The following IL1RAPL2 variants were observed in gnomAD, a reference collection of about 807,000 sequenced individuals.
IL1RAPL2 encodes interleukin 1 receptor accessory protein like 2.
A neutral mutation model predicts 44.1 loss-of-function variants in IL1RAPL2; 3 were observed. The observed-to-expected ratio is 0.07, with a 90% CI of 0.03 to 0.18. The LOEUF is 0.18. Among genes scored for constraint, IL1RAPL2 ranks in the 10% least tolerant of loss-of-function variants. The pLI is 1.00. For synonymous variants in IL1RAPL2, 181 were observed against 178.8 expected, an observed-to-expected ratio of 1.01 and a Z score of -0.10; for missense variants, 391 against 496.4, an observed-to-expected ratio of 0.79 and a Z score of 2.02.
chrX:104,898,873 T>C (rs1923732789), intron 2 of IL1RAPL2, among the ~76,000 whole-genome samples: 1 of 112,722 alleles, frequency 8.9e-6, no homozygotes, highest in East Asian at 2.7e-4. Flanking sequence ...ATCATTTTGC[T>C]TCTATTTCTG....
intron 2 of IL1RAPL2, among the ~76,000 whole-genome samples, chrX:105,064,364 A>G (rs1016486075): frequency 8.0e-5 from 9 of 112,118 alleles, no homozygotes; most frequent in African/African-American, 2.9e-4. Context: ...GCTGGCACAA[A>G]TGTTCTTTCC....
At chrX:104,824,493 T>C (rs750769799) in intron 2 of IL1RAPL2, among the ~76,000 whole-genome samples, 2 of 112,107 alleles carry the variant, frequency 1.8e-5, no homozygotes, top group African/African-American at 6.5e-5. Context: ...TCTGGTAGAA[T>C]TGGGCTCTGA....
At chrX:105,546,678 C>T in intron 6 of IL1RAPL2, among the ~76,000 whole-genome samples, 1 of 111,163 alleles carries the variant, frequency 9.0e-6, no homozygotes, top group Non-Finnish European at 1.9e-5. Flanking sequence ...GGAGGAAAGA[C>T]TTTAGTTATG....
chrX:105,134,315 C>T (rs1396405572), intron 2 of IL1RAPL2, among the ~76,000 whole-genome samples: 1 of 112,177 alleles, frequency 8.9e-6, no homozygotes, highest in African/African-American at 3.2e-5. Flanking sequence ...AACCAGTAGT[C>T]ATGTAGACAC....
chrX:105,415,546 A>C (rs2035726854), intron 5 of IL1RAPL2, among the ~76,000 whole-genome samples: 2 of 111,738 alleles, frequency 1.8e-5, no homozygotes, highest in Non-Finnish European at 3.8e-5. Context: ...TCTTGCTATA[A>C]ATAAGTATAA....
intron 2 of IL1RAPL2, among the ~76,000 whole-genome samples, chrX:104,717,442 A>G (rs1203572827): frequency 1.0e-5 from 1 of 97,816 alleles, no homozygotes; most frequent in African/African-American, 4.5e-5. Context: ...TGAACTTAAA[A>G]GTTAAAAAAA....
chrX:105,436,045 TAAAATA>T (rs1263266968), intron 5 of IL1RAPL2, among the ~76,000 whole-genome samples: 2 of 110,847 alleles, frequency 1.8e-5, no homozygotes, highest in Non-Finnish European at 3.8e-5. Flanking sequence ...TCCCAGAACT[TAAAATA>T]AAAATAAATA....
chrX:105,443,456 A>T (rs767813190), intron 5 of IL1RAPL2, among the ~76,000 whole-genome samples: 1 of 110,692 alleles, frequency 9.0e-6, no homozygotes, highest in Admixed American at 9.6e-5. Context: ...CATCCTTTCT[A>T]TTTCTTTTAT....
intron 4 of IL1RAPL2, among the ~76,000 whole-genome samples, chrX:105,235,226 G>A (rs1186423614): frequency 8.9e-6 from 1 of 111,797 alleles, no homozygotes; most frequent in Non-Finnish European, 1.9e-5. Flanking sequence ...GGAAGAAGCA[G>A]ATAATAACCA....
At chrX:104,570,021 C>T (rs745686887) in intron 1 of IL1RAPL2, among the ~76,000 whole-genome samples, 15 of 112,203 alleles carry the variant, frequency 1.3e-4, no homozygotes, top group Non-Finnish European at 1.9e-5. Flanking sequence ...CTGCCTTCTT[C>T]GTTTGAGAAG....
chrX:105,724,220 TA>T (rs112030028), intron 7 of IL1RAPL2, among the ~76,000 whole-genome samples: 4,931 of 110,399 alleles, frequency 0.045, 293 homozygotes, highest in African/African-American at 0.15. Flanking sequence ...CAATACCTAG[TA>T]AAAAAAAGCT....
At chrX:105,106,737 G>A (rs1212816284) in intron 2 of IL1RAPL2, among the ~76,000 whole-genome samples, 1 of 111,903 alleles carries the variant, frequency 8.9e-6, no homozygotes, top group Non-Finnish European at 1.9e-5. Flanking sequence ...TAGAGTTTCT[G>A]TAAGTACTAA....
intron 7 of IL1RAPL2, among the ~76,000 whole-genome samples, chrX:105,728,353 A>AAAAT (rs2038370164): frequency 9.0e-6 from 1 of 111,454 alleles, no homozygotes; most frequent in South Asian, 3.7e-4. Context: ...TTTTCATGAC[A>AAAAT]AAATACTTTA....
intron 1 of IL1RAPL2, among the ~76,000 whole-genome samples, chrX:104,602,619 C>T (rs1928907578): frequency 9.0e-6 from 1 of 111,339 alleles, no homozygotes; most frequent in East Asian, 2.8e-4. Context: ...AGTCTGAGAT[C>T]GACCCAGGAC....
intron 5 of IL1RAPL2, among the ~76,000 whole-genome samples, chrX:105,421,089 C>G (rs1010611812): frequency 9.0e-6 from 1 of 111,712 alleles, no homozygotes; most frequent in Non-Finnish European, 1.9e-5. Flanking sequence ...GGTCAGAGCA[C>G]AGTTTGGTTT....
intron 2 of IL1RAPL2, among the ~76,000 whole-genome samples, chrX:104,721,998 G>A (rs1788362956): frequency 9.0e-6 from 1 of 111,334 alleles, no homozygotes; most frequent in South Asian, 3.8e-4. Context: ...ATTCTTGACT[G>A]GATTTCTGGC....
chrX:104,601,296 G>A (rs954972937), intron 1 of IL1RAPL2, among the ~76,000 whole-genome samples: 1 of 108,538 alleles, frequency 9.2e-6, no homozygotes, highest in Non-Finnish European at 1.9e-5. Context: ...CCCACAACAG[G>A]CCCCCGTGTG....
intron 2 of IL1RAPL2, among the ~76,000 whole-genome samples, chrX:104,680,044 T>A (rs928345193): frequency 9.0e-6 from 1 of 111,631 alleles, no homozygotes; most frequent in Admixed American, 9.5e-5. Flanking sequence ...AATCTTAATG[T>A]GTTAAGGGAC....
chrX:104,950,814 T>C (rs903265996), intron 2 of IL1RAPL2, among the ~76,000 whole-genome samples: 16 of 110,952 alleles, frequency 1.4e-4, no homozygotes, highest in Non-Finnish European at 2.8e-4. Context: ...TTCACGTCAT[T>C]CTCCTGCCTC....
Sources: gnomAD v4.1 joint callset for allele counts (sites outside exome capture counted in the v4.1 genomes callset) on GRCh38, gnomAD v4.1.1 for gene constraint, MANE v1.5 for transcripts, NCBI Gene and HGNC (gene_info 2026-07-23, HGNC 2026-07-21) for gene names.